Variants in MACROD2 observed in about 807,000 individuals in gnomAD.
MACROD2 encodes mono-ADP ribosylhydrolase 2.
A neutral mutation model predicts 70.4 loss-of-function variants in MACROD2; 36 were observed. That is an observed-to-expected ratio of 0.51 (90% CI 0.39 to 0.68). MACROD2 has a LOEUF of 0.68. Ranked by LOEUF, MACROD2 falls within the 30% of genes least tolerant of loss-of-function variation. The pLI is 0.00. For missense variants in MACROD2, 496 were observed against 538.4 expected (o/e 0.92, Z 0.78); for synonymous variants, 172 against 178.8 (o/e 0.96, Z 0.30).
intron 6 of MACROD2, among the ~76,000 whole-genome samples, chr20:15,301,646 G>A (rs2077645394): frequency 8.4e-6 from 1 of 119,602 alleles, no homozygotes; most frequent in Non-Finnish European, 1.6e-5. Context: ...TGCCCAGGCT[G>A]TTCTTGAACA....
rs1157638503 is a variant in MACROD2 at position 15,470,159 on chromosome 20, C to G, written c.572-29615C>G. Reference sequence around the variant, plus strand: ...CCGCCTGCCGGGTTCAAGCAATTCTCCTGCCTCAGTCTCCCAAGTAGCTGA... The same window carrying G: ...CCGCCTGCCGGGTTCAAGCAATTCTGCTGCCTCAGTCTCCCAAGTAGCTGA... On this transcript the variant is annotated intron_variant, in intron 7 of 17. Coordinates refer to ENST00000684519, the MANE Select transcript of MACROD2 (RefSeq NM_001351661.2). Among the ~76,000 whole-genome samples the G allele has an allele frequency of 2.0e-5, 3 of 152,304 alleles. No homozygotes were observed. The East Asian group carries it at 5.8e-4, about 29-fold the overall frequency.
intron 8 of MACROD2, among the ~76,000 whole-genome samples, chr20:15,593,667 G>T (rs978558086): frequency 6.6e-6 from 1 of 152,174 alleles, no homozygotes; most frequent in Non-Finnish European, 1.5e-5. Flanking sequence ...TCAAGAGGTG[G>T]TCTATTTTCT....
At chr20:15,476,899 C>T (rs1016750738) in intron 7 of MACROD2, among the ~76,000 whole-genome samples, 18 of 152,160 alleles carry the variant, frequency 1.2e-4, no homozygotes, top group Admixed American at 3.9e-4. Context: ...CAGAAACTGG[C>T]TCTGATACAT....
chr20:15,583,375 C>G (rs1044126832), intron 8 of MACROD2, among the ~76,000 whole-genome samples: 3 of 152,196 alleles, frequency 2.0e-5, no homozygotes, highest in African/African-American at 7.2e-5. Flanking sequence ...TCCCTGAAGT[C>G]TCGATATTCA....
intron 4 of MACROD2, among the ~76,000 whole-genome samples, chr20:14,587,091 T>C (rs1981433547): frequency 6.6e-6 from 1 of 151,976 alleles, no homozygotes; most frequent in Non-Finnish European, 1.5e-5. Flanking sequence ...TTCTCATTTC[T>C]TTGTGTCTTT....
intron 5 of MACROD2, among the ~76,000 whole-genome samples, chr20:15,017,349 T>A (rs1285813408): frequency 1.3e-5 from 2 of 152,240 alleles, no homozygotes; most frequent in Non-Finnish European, 2.9e-5. Flanking sequence ...CAGGTAATGC[T>A]GATGCAAGAG....
At chr20:14,348,175 A>C (rs1042083940) in intron 3 of MACROD2, among the ~76,000 whole-genome samples, 2 of 151,802 alleles carry the variant, frequency 1.3e-5, no homozygotes, top group Admixed American at 6.6e-5. Context: ...AGGCTGAGGC[A>C]GGAGAATTGC....
At chr20:15,249,513 G>T (rs1345528898) in intron 6 of MACROD2, among the ~76,000 whole-genome samples, 4 of 152,160 alleles carry the variant, frequency 2.6e-5, no homozygotes, top group African/African-American at 9.7e-5. Flanking sequence ...TTTTCAGGAT[G>T]AAGCCTGATT....
intron 3 of MACROD2, among the ~76,000 whole-genome samples, chr20:14,469,862 T>C (rs772211899): frequency 2.0e-5 from 3 of 152,034 alleles, no homozygotes; most frequent in African/African-American, 7.2e-5. Context: ...TTCCTTGTAT[T>C]AGGTTAGAGC....
At chr20:15,423,964 G>A (rs1394298269) in intron 6 of MACROD2, among the ~76,000 whole-genome samples, 5 of 152,202 alleles carry the variant, frequency 3.3e-5, no homozygotes, top group Non-Finnish European at 7.3e-5. Context: ...CCTCTTTCAG[G>A]GCTCAAGTTG....
intron 5 of MACROD2, among the ~76,000 whole-genome samples, chr20:14,970,796 G>A (rs1367626133): frequency 6.6e-6 from 1 of 151,994 alleles, no homozygotes; most frequent in Non-Finnish European, 1.5e-5. Flanking sequence ...AACGACAGGT[G>A]CACACCAGTG....
Position 14,862,702 on chromosome 20 carries a change from T to TATATATAAAA in MACROD2, c.418+177750_418+177751insAAAATATATA, listed in dbSNP as rs1290187256. Among the ~76,000 whole-genome samples the TATATATAAAA allele has an allele frequency of 2.2e-3, 71 of 32,500 alleles. 10 individuals are homozygous for TATATATAAAA. The highest frequency in any genetic ancestry group is 0.042 in the Middle Eastern group (2 of 48). 21.3% of individuals were successfully genotyped at this position (32,500 alleles called of 152,430 possible). On this transcript the variant is annotated intron_variant, in intron 5 of 17. Transcript: ENST00000684519. ...AAATATATATATAAATATATATAAA[T>TATATATAAAA]ATATATATATATATTTTTTTTTAAT...
intron 13 of MACROD2, among the ~76,000 whole-genome samples, chr20:15,982,056 C>T (rs752904522): frequency 9.2e-5 from 14 of 151,916 alleles, no homozygotes; most frequent in Non-Finnish European, 1.8e-4. Context: ...AATAGCAGCA[C>T]AAGCGTCAAA....
intron 6 of MACROD2, among the ~76,000 whole-genome samples, chr20:15,274,504 T>C (rs529807866): frequency 4.0e-4 from 61 of 152,350 alleles, no homozygotes; most frequent in African/African-American, 1.3e-3. Context: ...CACATCTATT[T>C]CATCCCCAAC....
intron 8 of MACROD2, among the ~76,000 whole-genome samples, chr20:15,795,353 G>T (rs1165774243): frequency 6.6e-6 from 1 of 152,112 alleles, no homozygotes; most frequent in Non-Finnish European, 1.5e-5. Flanking sequence ...CAATGAGGGT[G>T]TAGTAAATTC....
chr20:14,128,051 C>A, intron 3 of MACROD2: 1 of 562,732 alleles, frequency 1.8e-6, no homozygotes, highest in Admixed American at 1.9e-5. Flanking sequence ...TACTTTGTAA[C>A]CTGAAACCTA....
intron 6 of MACROD2, among the ~76,000 whole-genome samples, chr20:15,390,873 T>G (rs190473613): frequency 1.3e-5 from 2 of 152,224 alleles, no homozygotes; most frequent in Non-Finnish European, 2.9e-5. Context: ...GTCAGAGAAC[T>G]TACAAAATTG....
intron 8 of MACROD2, among the ~76,000 whole-genome samples, chr20:15,635,711 G>C (rs1469405158): frequency 6.6e-6 from 1 of 152,132 alleles, no homozygotes; most frequent in Non-Finnish European, 1.5e-5. Context: ...ACAAACCTGT[G>C]CCTGTGCCTC....
At chr20:15,402,463 G>A (rs2045943359) in intron 6 of MACROD2, among the ~76,000 whole-genome samples, 1 of 152,138 alleles carries the variant, frequency 6.6e-6, no homozygotes, top group Non-Finnish European at 1.5e-5. Flanking sequence ...CTAATGCTCT[G>A]GGAATGTCTT....
Sources: allele counts gnomAD v4.1 joint callset (sites outside exome capture counted in the v4.1 genomes callset), GRCh38; gene constraint gnomAD v4.1.1; transcripts MANE v1.5; gene names NCBI Gene and HGNC (gene_info 2026-07-23, HGNC 2026-07-21).